Variants in AP3B1 observed in about 807,000 individuals in gnomAD.
AP3B1 encodes AP-3 complex subunit beta-1.
AP3B1 carries 61 observed loss-of-function variants against 132.5 expected under a neutral mutation model. That is an observed-to-expected ratio of 0.46 (90% confidence interval 0.37 to 0.57). AP3B1 has a LOEUF of 0.57. Ranked by LOEUF, AP3B1 falls within the 20% of genes least tolerant of loss-of-function variation. The probability of loss-of-function intolerance (pLI) is 0.00; values close to 1 mark genes in which losing one functional copy is unlikely to be tolerated. For synonymous variants in AP3B1, 388 were observed against 438.3 expected (o/e 0.89, Z 1.43); for missense variants, 1,120 against 1,289.4 (o/e 0.87, Z 2.01).
At chr5:78,219,445 G>A (rs1310688194) in intron 6 of AP3B1, among the ~76,000 whole-genome samples, 1 of 152,040 alleles carries the variant, frequency 6.6e-6, no homozygotes, top group Admixed American at 6.6e-5. Flanking sequence ...TTTAGGACAT[G>A]TTGAGAAGGT....
chr5:78,024,634 G>A (rs375942591), intron 24 of AP3B1, among the ~76,000 whole-genome samples: 79 of 145,486 alleles, frequency 5.4e-4, no homozygotes, highest in South Asian at 8.7e-4. Context: ...GTGCAATCTC[G>A]GCTCACTGCA....
At chr5:78,113,660 T>C (rs2112259825) in intron 19 of AP3B1, 92 bp downstream of exon 19, 1 of 1,423,698 alleles carries the variant, frequency 7.0e-7, no homozygotes, top group Non-Finnish European at 9.8e-7. Context: ...ACTTTTTTTC[T>C]CTCACCATTT....
In AP3B1 at chr5:78,165,661, C is replaced by A. The variant is rs1316790611; in HGVS notation, c.1179G>T (p.Leu393Phe). The change falls in exon 12 of 27, where the codon TTG becomes TTT. Residue 393 changes from leucine to phenylalanine, a missense_variant. Around this residue, in one of 3 missense-constraint regions of AP3B1, gnomAD observed 906 missense variants for 997.1 expected, o/e 0.91. Transcript: ENST00000255194. ...TMIKTLKLEI[L>F]TNLANEANIS... ...TGTTGGCTTCATTTGCCAAGTTTGT[C>A]AAAATTTCAAGCTATAGTAGAGAAA... 3.7e-6 allele frequency: 6 copies of A among 1,604,816 alleles called. No homozygotes were observed. The highest frequency in any genetic ancestry group is 2.2e-5 in the South Asian group (2 of 90,288).
intron 17 of AP3B1, among the ~76,000 whole-genome samples, chr5:78,121,422 GATC>G (rs1291197628): frequency 6.6e-6 from 1 of 152,084 alleles, no homozygotes; most frequent in Non-Finnish European, 1.5e-5. Flanking sequence ...TTTTTGAAAA[GATC>G]AACAAAATTG....
intron 13 of AP3B1, among the ~76,000 whole-genome samples, chr5:78,161,753 G>A (rs529362979): frequency 6.6e-6 from 1 of 151,988 alleles, no homozygotes; most frequent in African/African-American, 2.4e-5. Context: ...TGAGTTTACA[G>A]GTACAAGTTT....
At chr5:78,074,667 C>T (rs1354272323) in intron 22 of AP3B1, among the ~76,000 whole-genome samples, 2 of 152,082 alleles carry the variant, frequency 1.3e-5, no homozygotes, top group Non-Finnish European at 2.9e-5. Context: ...GATAGTTCTT[C>T]ACCGGGCACG....
At chr5:78,267,713 CAAG>C in intron 1 of AP3B1, 118 bp from the exon 2 acceptor site, 1 of 625,574 alleles carries the variant, frequency 1.6e-6, no homozygotes, top group Non-Finnish European at 2.6e-6. Flanking sequence ...ATAACTGCAG[CAAG>C]AAGGTGGCCA....
At chr5:78,168,553 T>C (rs907483912) in intron 11 of AP3B1, among the ~76,000 whole-genome samples, 1 of 152,102 alleles carries the variant, frequency 6.6e-6, no homozygotes, top group Non-Finnish European at 1.5e-5. Context: ...ATCTCAAACA[T>C]AGGAAAAAGC....
intron 1 of AP3B1, among the ~76,000 whole-genome samples, chr5:78,279,984 G>A (rs1363057380): frequency 1.4e-5 from 2 of 145,300 alleles, no homozygotes; most frequent in African/African-American, 5.0e-5. Context: ...AGGCTGAAGT[G>A]GGAGGATCAG....
intron 14 of AP3B1, among the ~76,000 whole-genome samples, 200 bp downstream of exon 14, chr5:78,156,058 A>G (rs1041093241): frequency 1.3e-5 from 2 of 152,168 alleles, no homozygotes; most frequent in Non-Finnish European, 2.9e-5. Flanking sequence ...TTCCAATCTA[A>G]TACCACGAGG....
At chr5:78,088,542 C>T (rs1459234041) in intron 22 of AP3B1, among the ~76,000 whole-genome samples, 1 of 152,072 alleles carries the variant, frequency 6.6e-6, no homozygotes, top group Non-Finnish European at 1.5e-5. Context: ...TTCTTTTCTC[C>T]CACTTTTGGC....
intron 21 of AP3B1, among the ~76,000 whole-genome samples, chr5:78,095,084 C>T (rs1249026712): frequency 1.3e-5 from 2 of 152,224 alleles, no homozygotes; most frequent in East Asian, 3.8e-4. Context: ...CTCCTCATTT[C>T]ATCTATAATG....
intron 17 of AP3B1, among the ~76,000 whole-genome samples, chr5:78,119,718 T>G (rs991650764): frequency 4.6e-5 from 7 of 152,188 alleles, no homozygotes; most frequent in Non-Finnish European, 1.0e-4. Flanking sequence ...GTCTCATTGG[T>G]GTACCTGAAA....
At chr5:78,179,462 G>A (rs889321073) in intron 8 of AP3B1, among the ~76,000 whole-genome samples, 1 of 152,088 alleles carries the variant, frequency 6.6e-6, no homozygotes, top group Non-Finnish European at 1.5e-5. Context: ...AAGTCGCTTT[G>A]ATACCCAGAT....
At chr5:78,127,021 T>A (rs1209905070) in intron 17 of AP3B1, among the ~76,000 whole-genome samples, 1 of 152,224 alleles carries the variant, frequency 6.6e-6, no homozygotes, top group Non-Finnish European at 1.5e-5. Context: ...ATAGTGCTAT[T>A]ATTAATTCCG....
At chr5:78,294,293 A>G in intron 1 of AP3B1, 159 bp downstream of exon 1, 1 of 980,226 alleles carries the variant, frequency 1.0e-6, no homozygotes, top group Non-Finnish European at 1.5e-6. Context: ...CACCACCGCC[A>G]ACCAACCCCA....
At chr5:78,287,410 T>C (rs1426978297) in intron 1 of AP3B1, among the ~76,000 whole-genome samples, 2 of 152,164 alleles carry the variant, frequency 1.3e-5, no homozygotes, top group African/African-American at 4.8e-5. Flanking sequence ...TTATAATCTG[T>C]TGGAAAGTAA....
At chr5:78,265,291 A>C (rs1748273342) in intron 2 of AP3B1, among the ~76,000 whole-genome samples, 1 of 151,958 alleles carries the variant, frequency 6.6e-6, no homozygotes, top group African/African-American at 2.4e-5. Context: ...AAAAATAAAA[A>C]AATTAGCTGG....
rs1747944531 is a variant in AP3B1 at position 78,039,219 on chromosome 5, C to T, written c.2633G>A (p.Ser878Asn). 1.2e-6 allele frequency: 2 copies of T among 1,614,038 alleles called. No homozygotes were observed. Among genetic ancestry groups the T allele is most frequent in the East Asian group, 2.2e-5 (1 of 44,880 alleles). ...ATAATGGGCAGCTAGTCCTTTTCCA[C>T]TCATTCGATGAAGCAGCACGTGAGT... ...TKTHVLLHRMSGKGLAAHYFF... is the reference protein window; with the variant it reads ...TKTHVLLHRMNGKGLAAHYFF... The change falls in exon 23 of 27, where the codon AGT becomes AAT. Residue 878 changes from serine (S) to asparagine (N), a missense_variant. Transcript: ENST00000255194.
Sources: gnomAD v4.1 joint callset for allele counts (sites outside exome capture counted in the v4.1 genomes callset) on GRCh38, gnomAD v4.1.1 for gene constraint, gnomAD v4.1.1 regional missense constraint, MANE v1.5 for transcripts, NCBI Gene and HGNC (gene_info 2026-07-23, HGNC 2026-07-21) for gene names.